The following ABTB2 variants were observed in gnomAD, a reference collection of about 807,000 sequenced individuals.
ABTB2 encodes the protein ankyrin repeat and BTB domain containing 2.
ABTB2 carries 56 observed loss-of-function variants against 104.1 expected under a neutral mutation model. The ratio of observed to expected loss-of-function variants is 0.54; its 90% confidence interval spans 0.43 to 0.67. The LOEUF (loss-of-function observed/expected upper bound fraction) is 0.67. Among genes scored for constraint, ABTB2 ranks in the 30% least tolerant of loss-of-function variants. The probability of loss-of-function intolerance (pLI) is 0.00; values close to 1 mark genes in which losing one functional copy is unlikely to be tolerated. For synonymous variants in ABTB2, 606 were observed against 608.2 expected, an observed-to-expected ratio of 1.00 and a Z score of 0.05; for missense variants, 1,279 against 1,407.7, an observed-to-expected ratio of 0.91 and a Z score of 1.46.
chr11:34,263,275 C>A (rs1248711831), intron 1 of ABTB2, among the ~76,000 whole-genome samples: 1 of 152,058 alleles, frequency 6.6e-6, no homozygotes, highest in Non-Finnish European at 1.5e-5. Flanking sequence ...GCCACACTCC[C>A]CCTTCACATT....
chr11:34,284,333 G>A (rs2133088750), intron 1 of ABTB2, among the ~76,000 whole-genome samples: 1 of 152,286 alleles, frequency 6.6e-6, no homozygotes, highest in Non-Finnish European at 1.5e-5. Context: ...TAACCCTAAA[G>A]GATTTGGATG....
intron 1 of ABTB2, among the ~76,000 whole-genome samples, chr11:34,345,048 C>G (rs1207215771): frequency 6.6e-6 from 1 of 152,206 alleles, no homozygotes; most frequent in African/African-American, 2.4e-5. Context: ...AAGTCAATTT[C>G]CAACACAATA....
chr11:34,227,288 A>G (rs1326552990), intron 1 of ABTB2, among the ~76,000 whole-genome samples: 2 of 102,764 alleles, frequency 1.9e-5, no homozygotes, highest in African/African-American at 6.9e-5. Flanking sequence ...AAAAAAAAGA[A>G]AAAAAAAAAA....
intron 1 of ABTB2, among the ~76,000 whole-genome samples, chr11:34,355,602 CTTTTA>C (rs1372134805): frequency 6.6e-6 from 1 of 152,150 alleles, no homozygotes; most frequent in Non-Finnish European, 1.5e-5. Context: ...GTTTTGACTT[CTTTTA>C]TCCCTTTCCA....
At chr11:34,249,606 A>C (rs141537083) in intron 1 of ABTB2, among the ~76,000 whole-genome samples, 17 of 152,334 alleles carry the variant, frequency 1.1e-4, no homozygotes, top group Middle Eastern at 3.4e-3. Flanking sequence ...CCCCACTTGA[A>C]CATCTAACTC....
At chr11:34,176,165 G>A (rs996461141) in intron 3 of ABTB2, among the ~76,000 whole-genome samples, 14 of 151,302 alleles carry the variant, frequency 9.3e-5, no homozygotes, top group South Asian at 2.1e-4. Flanking sequence ...CTGTAGTTCC[G>A]GCTACTCAGG....
intron 1 of ABTB2, among the ~76,000 whole-genome samples, chr11:34,234,745 G>T: frequency 6.6e-6 from 1 of 152,234 alleles, no homozygotes; most frequent in East Asian, 1.9e-4. Flanking sequence ...ACAGGGTAAT[G>T]CTACCTGCTC....
rs141635150 is a variant in ABTB2 at position 34,356,759 on chromosome 11, G to T, written c.825C>A (p.Ala275=). The change falls in exon 1 of 17, where the codon GCC becomes GCA. Residue 275 remains alanine (A), a synonymous_variant. Coordinates refer to ENST00000435224, the MANE Select transcript of ABTB2 (RefSeq NM_145804.3). The surrounding 1 kb of genome is among the most constrained non-coding windows in gnomAD (Gnocchi z 4.6). ...AGGGCTGCAAGACGCCCCAGAGCTC[G>T]GCGTCGTTGTTGATGACCATCTCCA... The part of the protein sequence containing the change: ...EALEMVINND[A]ELWGVLQPYE... 380 of 1,611,606 alleles carry T rather than the reference G, an allele frequency of 2.4e-4. No individual in the cohort carries two copies. The African/African-American group carries it at 4.4e-3, about 18-fold the overall frequency.
chr11:34,157,431 G>A (rs960686536), intron 14 of ABTB2, among the ~76,000 whole-genome samples: 1 of 152,190 alleles, frequency 6.6e-6, no homozygotes, highest in Non-Finnish European at 1.5e-5. Context: ...CCCTTGGCCT[G>A]GCAGGTGAGC....
intron 1 of ABTB2, among the ~76,000 whole-genome samples, chr11:34,208,240 A>G (rs1565141257): frequency 1.3e-5 from 2 of 152,238 alleles, no homozygotes; most frequent in Admixed American, 6.5e-5. Flanking sequence ...AGTGAAAAGG[A>G]GTTTAAAAAA....
At chr11:34,350,026 G>A (rs576956125) in intron 1 of ABTB2, among the ~76,000 whole-genome samples, 1 of 152,274 alleles carries the variant, frequency 6.6e-6, no homozygotes, top group East Asian at 1.9e-4. Context: ...AACCGCATGT[G>A]TACAAGCCTC....
At chr11:34,312,814 C>A (rs1854873940) in intron 1 of ABTB2, among the ~76,000 whole-genome samples, 1 of 152,154 alleles carries the variant, frequency 6.6e-6, no homozygotes, top group Non-Finnish European at 1.5e-5. Context: ...AAGCCTCTCA[C>A]CTCAGCCTTC....
At chr11:34,198,363 G>A (rs1392466020) in intron 2 of ABTB2, among the ~76,000 whole-genome samples, 1 of 152,038 alleles carries the variant, frequency 6.6e-6, no homozygotes, top group Non-Finnish European at 1.5e-5. Context: ...AGGCGGAGGT[G>A]GCAGTGAGCA....
chr11:34,226,093 T>C (rs1853682639), intron 1 of ABTB2, among the ~76,000 whole-genome samples: 1 of 150,974 alleles, frequency 6.6e-6, no homozygotes, highest in African/African-American at 2.4e-5. Flanking sequence ...TCCCAGATAC[T>C]TGGGAGGCTG....
chr11:34,171,008 G>A lies in ABTB2; in HGVS notation c.1461C>T (p.Asn487=), dbSNP rs777907097. Residue 487 remains asparagine, a synonymous_variant, in exon 5 of 17, where the codon AAC becomes AAT. Coordinates refer to ENST00000435224, the MANE Select transcript of ABTB2 (RefSeq NM_145804.3). The part of the protein sequence containing the change: ...LDARAATEKF[N]QDLGFRMLNC... ...TGAGCATGCGGAAACCCAGGTCCTG[G>A]TTGAATTTTTCAGTAGCTGCTCGGG... The A allele has an allele frequency of 1.1e-5, 17 of 1,614,092 alleles. No homozygotes were observed. In the South Asian group the frequency reaches 1.8e-4, roughly 17 times the overall value.
At chr11:34,299,425 G>T (rs7106923) in intron 1 of ABTB2, among the ~76,000 whole-genome samples, 14,964 of 152,160 alleles carry the variant, frequency 0.098, 2,317 homozygotes, top group African/African-American at 0.33. Flanking sequence ...AGGGTATCAG[G>T]TTCCCTTATT....
rs1394530229 is a variant in ABTB2 at position 34,152,143 on chromosome 11, C to T, written c.*244G>A. On this transcript the variant is annotated 3_prime_UTR_variant, in exon 17 of 17. Transcript: ENST00000435224. Reference sequence around the variant, plus strand: ...GGAGTGCATGGCTGCCCTTGAGTTGCAAACTGAGATGGGGAGGAGGGCCAC... The same window carrying T: ...GGAGTGCATGGCTGCCCTTGAGTTGTAAACTGAGATGGGGAGGAGGGCCAC... 1.9e-6 allele frequency: 1 copy of T among 526,454 alleles called. No individual in the cohort carries two copies. Among genetic ancestry groups the T allele is most frequent in the Non-Finnish European group, 3.4e-6 (1 of 291,318 alleles). 32.6% of individuals were successfully genotyped at this position (526,454 alleles called of 1,614,324 possible).
At chr11:34,260,035 C>T (rs549193910) in intron 1 of ABTB2, among the ~76,000 whole-genome samples, 129 of 152,254 alleles carry the variant, frequency 8.5e-4, no homozygotes, top group African/African-American at 2.6e-3. Context: ...TCTCAAACTC[C>T]TGGGCTCAAG....
chr11:34,160,777 G>A lies in ABTB2; in HGVS notation c.2397+126C>T, dbSNP rs138074082. The A allele has an allele frequency of 5.4e-4, 574 of 1,058,076 alleles. 3 individuals carry two copies. In the African/African-American group the frequency reaches 8.0e-3, roughly 15 times the overall value. The allele number at this position is 1,058,076 out of a possible 1,614,324, so 65.5% of individuals were successfully genotyped here. ...CCCTGGGTGCTGAGGGCAGGCGTGT[G>A]AGTGTGTGTGCGTTGGGTGAGGGGG... On this transcript the variant is annotated intron_variant, in intron 11 of 16. Coordinates refer to ENST00000435224, the MANE Select transcript of ABTB2 (RefSeq NM_145804.3).
Sources: allele counts gnomAD v4.1 joint callset (sites outside exome capture counted in the v4.1 genomes callset), GRCh38; gene constraint gnomAD v4.1.1; non-coding constraint Gnocchi (gnomAD v3.1); transcripts MANE v1.5; gene names NCBI Gene and HGNC (gene_info 2026-07-23, HGNC 2026-07-21).